Variants in ZGRF1 observed in about 807,000 individuals in gnomAD.
ZGRF1 encodes the protein 5'-3' DNA helicase ZGRF1.
ZGRF1 carries 196 observed loss-of-function variants against 203.5 expected under a neutral mutation model. The observed-to-expected ratio is 0.96, with a 90% confidence interval of 0.86 to 1.08. The LOEUF (loss-of-function observed/expected upper bound fraction) is 1.08, where lower values mean the gene tolerates loss of function less well. ZGRF1 is among the 50% of genes least tolerant of loss of function. ZGRF1 has a pLI of 0.00. For missense variants in ZGRF1, 2,326 were observed against 2,416.3 expected (o/e 0.96, Z 0.78); for synonymous variants, 809 against 841.3 (o/e 0.96, Z 0.66).
chr4:112,569,202 A>C (rs1743768570), intron 16 of ZGRF1, among the ~76,000 whole-genome samples: 1 of 152,230 alleles, frequency 6.6e-6, no homozygotes, highest in Non-Finnish European at 1.5e-5. Flanking sequence ...AGAAAGATAG[A>C]AAATAGATCT....
Position 112,609,420 on chromosome 4 carries a change from CT to C in ZGRF1, c.2676del (p.Glu893LysfsTer6). 6.5e-7 allele frequency: 1 copy of C among 1,530,186 alleles called. No homozygotes were observed. The highest frequency in any genetic ancestry group is 9.0e-7 in the Non-Finnish European group (1 of 1,113,896). 94.8% of individuals were successfully genotyped at this position (1,530,186 alleles called of 1,614,324 possible). On this transcript the variant is annotated frameshift_variant, in exon 8 of 28. Coordinates refer to ENST00000505019, the MANE Select transcript of ZGRF1 (RefSeq NM_018392.5). LOFTEE classifies it high-confidence loss of function. ...HLHKDSQQIL[K>X]EDEVELSEPL... Reference sequence around the variant, plus strand: ...GGTTCACTTAGTTCAACTTCATCTTCTTTTAGTATCTTAGGAATAGAATATT... The same window carrying C: ...GGTTCACTTAGTTCAACTTCATCTTCTTTAGTATCTTAGGAATAGAATATT...
At chr4:112,550,452 C>T (rs1739735796) in intron 22 of ZGRF1, among the ~76,000 whole-genome samples, 1 of 151,952 alleles carries the variant, frequency 6.6e-6, no homozygotes, top group Admixed American at 6.6e-5. Flanking sequence ...TAAAAATTTT[C>T]AACTTTATAA....
Position 112,621,712 on chromosome 4 carries a change from A to G in ZGRF1, c.163-1522T>C, listed in dbSNP as rs765824060. 6.5e-4 allele frequency among the ~76,000 whole-genome samples: 92 copies of G among 141,360 alleles called. 1 individual carries two copies. The highest frequency in any genetic ancestry group is 1.2e-3 in the Non-Finnish European group (79 of 65,780). The allele number at this position is 141,360 out of a possible 152,430, so 92.7% of individuals were successfully genotyped here. A position where few individuals can be genotyped will look rare whatever the true frequency, so the allele number is the denominator to read the frequency against. ...AATATACAAACTCTATATCAGATTA[A>G]TATTTTACTAATGAAATGATTTTTT... On this transcript the variant is annotated intron_variant, in intron 4 of 27. Coordinates refer to ENST00000505019, the MANE Select transcript of ZGRF1 (RefSeq NM_018392.5).
chr4:112,595,600 TTATA>T (rs1033575164), intron 10 of ZGRF1, among the ~76,000 whole-genome samples: 1 of 151,650 alleles, frequency 6.6e-6, no homozygotes, highest in Non-Finnish European at 1.5e-5. Context: ...GTGTGTGTAT[TTATA>T]TATATATCAA....
chr4:112,623,675 G>A, intron 4 of ZGRF1, 142 bp downstream of exon 4: 1 of 580,604 alleles, frequency 1.7e-6, no homozygotes, highest in South Asian at 2.3e-5. Context: ...TATCTAAAAG[G>A]TTTTAGCACA....
In ZGRF1 at chr4:112,547,417, GA is replaced by G; in HGVS notation, c.5475-10del. 1 of 1,596,188 alleles carries G rather than the reference GA, an allele frequency of 6.3e-7. No individual in the cohort carries two copies. Among genetic ancestry groups the G allele is most frequent in the Non-Finnish European group, 8.5e-7 (1 of 1,174,376 alleles). ...GCTTTTCACACTCAAACCTAAAACA[GA>G]ATTTCAAAAATTAATCTAAGCAATT... On this transcript the variant is annotated splice_polypyrimidine_tract_variant and intron_variant, in intron 23 of 27. Coordinates refer to ENST00000505019, the MANE Select transcript of ZGRF1 (RefSeq NM_018392.5).
chr4:112,559,969 C>T (rs983735109), intron 19 of ZGRF1, among the ~76,000 whole-genome samples: 6 of 151,910 alleles, frequency 3.9e-5, no homozygotes, highest in Non-Finnish European at 8.8e-5. Context: ...AATCTGATGG[C>T]GGGAGATGAA....
At chr4:112,573,482 A>G (rs182519532) in intron 16 of ZGRF1, among the ~76,000 whole-genome samples, 1 of 152,250 alleles carries the variant, frequency 6.6e-6, no homozygotes, top group African/African-American at 2.4e-5. Context: ...AGGTGTAGCA[A>G]AATCTCAGAA....
chr4:112,586,961 C>G (rs1376879251), intron 12 of ZGRF1, among the ~76,000 whole-genome samples: 3 of 152,120 alleles, frequency 2.0e-5, no homozygotes, highest in African/African-American at 7.2e-5. Context: ...AATCAGCAAA[C>G]ACAATTGACA....
Position 112,587,534 on chromosome 4 carries a change from C to T in ZGRF1, c.3523G>A (p.Ala1175Thr). The change falls in exon 12 of 28, where the codon GCT becomes ACT. Residue 1175 changes from alanine to threonine, a missense_variant. By Grantham distance (58) the Ala-to-Thr change is moderately conservative. Transcript: ENST00000505019. ...KRITDGFFAE[A>T]VSGMHFRDTS... The stretch of plus-strand genomic sequence containing the variant: ...TCTCTAAAATGCATCCCAGAAACAG[C>T]CTCAGCAAAGAAGCCATCAGTTATT... The T allele has an allele frequency of 1.2e-6, 2 of 1,613,872 alleles. No homozygotes were observed. Among genetic ancestry groups the T allele is most frequent in the Non-Finnish European group, 8.5e-7 (1 of 1,179,846 alleles).
chr4:112,540,887 C>A lies in ZGRF1; in HGVS notation c.5844G>T (p.Leu1948=). ...TAGAGCCTGCTATTCCACTTGCAAT[C>A]AGTGATTGAATCAGCTTGAGTGTAA... The part of the protein sequence containing the change: ...ATFTLKLIQS[L]IASGIAGSMI... Residue 1948 remains leucine, a synonymous_variant, in exon 26 of 28, where the codon CTG becomes CTT. Transcript: ENST00000505019. The A allele has an allele frequency of 1.3e-6, 2 of 1,588,614 alleles. No individual in the cohort carries two copies. The highest frequency in any genetic ancestry group is 2.3e-5 in the East Asian group (1 of 44,056).
At chr4:112,608,397 T>C (rs955020247) in intron 8 of ZGRF1, among the ~76,000 whole-genome samples, 1 of 152,130 alleles carries the variant, frequency 6.6e-6, no homozygotes, top group Non-Finnish European at 1.5e-5. Flanking sequence ...GGCAGGCGGA[T>C]AGCCTGAGGT....
At chr4:112,616,286 G>A (rs1464491794) in intron 6 of ZGRF1, among the ~76,000 whole-genome samples, 9 of 151,900 alleles carry the variant, frequency 5.9e-5, no homozygotes, top group South Asian at 2.1e-4. Context: ...TTGGGAGGCC[G>A]AGGCAGGTGG....
At chr4:112,630,875 A>C (rs1028052196) in intron 3 of ZGRF1, among the ~76,000 whole-genome samples, 2 of 150,492 alleles carry the variant, frequency 1.3e-5, no homozygotes, top group African/African-American at 4.9e-5. Flanking sequence ...CAACAGAGTG[A>C]GATTCTGGCT....
At chr4:112,583,146 T>C (rs6838392) in intron 15 of ZGRF1, among the ~76,000 whole-genome samples, 59,699 of 152,030 alleles carry the variant, frequency 0.39, 11,963 homozygotes, top group South Asian at 0.49. Flanking sequence ...AAATAATTCA[T>C]GCGAAGTGCC....
At chr4:112,568,711 C>CAAAAAAAAAAAAA (rs76531414) in intron 16 of ZGRF1, among the ~76,000 whole-genome samples, 1 of 42,848 alleles carries the variant, frequency 2.3e-5, no homozygotes, top group Non-Finnish European at 4.2e-5. Flanking sequence ...AACTCTGTCT[C>CAAAAAAAAAAAAA]AAAAAAAAAA....
chr4:112,610,550 A>T (rs1170826962), intron 7 of ZGRF1, among the ~76,000 whole-genome samples: 1 of 152,026 alleles, frequency 6.6e-6, no homozygotes, highest in East Asian at 1.9e-4. Flanking sequence ...CAGCCTGGGC[A>T]ATAGAGCAAG....
At chr4:112,628,218 C>T (rs1454609322) in intron 3 of ZGRF1, among the ~76,000 whole-genome samples, 1 of 152,176 alleles carries the variant, frequency 6.6e-6, no homozygotes, top group Non-Finnish European at 1.5e-5. Context: ...ATTGCGTGCT[C>T]AGGATGTGGC....
At chr4:112,548,427 A>G in intron 22 of ZGRF1, 47 bp from the exon 23 acceptor site, 1 of 1,460,282 alleles carries the variant, frequency 6.8e-7, no homozygotes, top group Non-Finnish European at 9.3e-7. Context: ...TTAAAAGAAA[A>G]TAAGAGAACG....
Sources: allele counts gnomAD v4.1 joint callset (sites outside exome capture counted in the v4.1 genomes callset), GRCh38; gene constraint gnomAD v4.1.1; transcripts MANE v1.5; gene names NCBI Gene and HGNC (gene_info 2026-07-23, HGNC 2026-07-21).